The following FER variants were observed in gnomAD, a reference collection of about 807,000 sequenced individuals.
FER encodes the protein tyrosine-protein kinase Fer.
FER carries 63 observed loss-of-function variants against 111.0 expected under a neutral mutation model. The ratio of observed to expected loss-of-function variants is 0.57; its 90% confidence interval spans 0.46 to 0.70. The LOEUF is 0.70. Among genes scored for constraint, FER ranks in the 30% least tolerant of loss-of-function variants. FER has a pLI of 0.00. For missense variants in FER, 914 were observed against 954.0 expected, an observed-to-expected ratio of 0.96 and a Z score of 0.55; for synonymous variants, 327 against 313.9, an observed-to-expected ratio of 1.04 and a Z score of -0.44.
At chr5:109,132,825 A>C (rs950148609) in intron 17 of FER, among the ~76,000 whole-genome samples, 1 of 152,174 alleles carries the variant, frequency 6.6e-6, no homozygotes, top group Non-Finnish European at 1.5e-5. Context: ...GCCCAAACCA[A>C]CTGATGGGAA....
intron 9 of FER, among the ~76,000 whole-genome samples, chr5:108,891,819 C>G (rs562370843): frequency 3.3e-4 from 50 of 152,196 alleles, no homozygotes; most frequent in Middle Eastern, 3.4e-3. Flanking sequence ...TCCCCCTTCC[C>G]CCACGCAACA....
At chr5:109,042,178 G>T (rs923789564) in intron 14 of FER, among the ~76,000 whole-genome samples, 3 of 152,122 alleles carry the variant, frequency 2.0e-5, no homozygotes, top group Admixed American at 6.6e-5. Flanking sequence ...GATTAACCGA[G>T]GACCAGGGTC....
At chr5:108,809,548 C>T (rs553500690) in intron 3 of FER, among the ~76,000 whole-genome samples, 2 of 152,110 alleles carry the variant, frequency 1.3e-5, no homozygotes, top group Admixed American at 6.6e-5. Context: ...CATGCTTTTC[C>T]ATACTTTGAA....
At chr5:108,820,830 A>G (rs149308179) in intron 3 of FER, among the ~76,000 whole-genome samples, 21 of 152,368 alleles carry the variant, frequency 1.4e-4, no homozygotes, top group Middle Eastern at 3.4e-3. Flanking sequence ...AATACTTGAA[A>G]TAACAGAGTC....
intron 16 of FER, among the ~76,000 whole-genome samples, chr5:109,066,651 T>G (rs1187814577): frequency 6.6e-6 from 1 of 152,214 alleles, no homozygotes; most frequent in Admixed American, 6.5e-5. Context: ...ATCCTGTATT[T>G]AAGTGACTGA....
At chr5:109,142,603 G>A (rs1047742074) in intron 17 of FER, among the ~76,000 whole-genome samples, 3 of 152,172 alleles carry the variant, frequency 2.0e-5, no homozygotes, top group East Asian at 1.9e-4. Flanking sequence ...TAGGTACCAC[G>A]GATCCAAAGT....
At position 109,186,182 on chromosome 5, in the gene FER, T is replaced by C. The variant is rs192590388; in HGVS notation, c.2204-18T>C. 2.5e-3 allele frequency: 3,971 copies of C among 1,614,044 alleles called. 11 individuals are homozygous for C. The highest frequency in any genetic ancestry group is 3.0e-3 in the Non-Finnish European group (3,592 of 1,179,916). ...TCTACTGTGCCTCATGTGGTTATGG[T>C]TGTTGTTCCTCTTCCAGGGAGATAC... On this transcript the variant is annotated intron_variant, in intron 18 of 19. Coordinates refer to ENST00000281092, the MANE Select transcript of FER (RefSeq NM_005246.4).
rs576056908 is a variant in FER, at chr5:109,168,983, C to G, written c.2049-11764C>G. 2.4e-4 allele frequency among the ~76,000 whole-genome samples: 37 copies of G among 152,242 alleles called. No homozygotes were observed. The South Asian group carries it at 3.1e-3, about 13-fold the overall frequency. On this transcript the variant is annotated intron_variant, in intron 17 of 19. Coordinates refer to ENST00000281092, the MANE Select transcript of FER (RefSeq NM_005246.4). ...TCAGACACTTTTATGTAACTGTGGTCTGCAAGTTAGTAAAAGCAAATTTCA... is the reference window on the plus strand; with the variant it reads ...TCAGACACTTTTATGTAACTGTGGTGTGCAAGTTAGTAAAAGCAAATTTCA...
chr5:109,002,009 G>A (rs1308816409), intron 13 of FER, among the ~76,000 whole-genome samples: 2 of 151,992 alleles, frequency 1.3e-5, no homozygotes, highest in East Asian at 1.9e-4. Flanking sequence ...CATGCTCATG[G>A]GTAGGAAGAA....
At chr5:108,933,172 C>A (rs531444367) in intron 10 of FER, among the ~76,000 whole-genome samples, 12 of 152,092 alleles carry the variant, frequency 7.9e-5, no homozygotes, top group Admixed American at 1.3e-4. Context: ...TTTGCCCATG[C>A]CTATGTCCTG....
intron 9 of FER, chr5:108,894,588 A>G: frequency 2.5e-6 from 1 of 398,642 alleles, no homozygotes; most frequent in South Asian, 2.3e-5. Context: ...TTCCACGACC[A>G]CATGCTTGCC....
chr5:108,967,626 G>T (rs1304852386), intron 13 of FER, among the ~76,000 whole-genome samples: 1 of 151,954 alleles, frequency 6.6e-6, no homozygotes. Context: ...TGGGTGTGGT[G>T]GTGGGCACCT....
chr5:109,068,879 T>C (rs1441985434), intron 16 of FER, among the ~76,000 whole-genome samples: 1 of 152,228 alleles, frequency 6.6e-6, no homozygotes, highest in Non-Finnish European at 1.5e-5. Flanking sequence ...TTCAATGAGC[T>C]ATCATATTCT....
chr5:109,112,466 G>A (rs1334011005), intron 17 of FER, among the ~76,000 whole-genome samples: 1 of 152,090 alleles, frequency 6.6e-6, no homozygotes, highest in African/African-American at 2.4e-5. Flanking sequence ...CTTACTATTG[G>A]CATCCAGTGC....
chr5:108,780,777 C>CT (rs1339128833), intron 2 of FER, among the ~76,000 whole-genome samples: 1 of 151,436 alleles, frequency 6.6e-6, no homozygotes, highest in Admixed American at 6.6e-5. Flanking sequence ...TATGTTACAC[C>CT]TTTTTTAGTT....
chr5:109,051,374 G>A lies in FER; in HGVS notation c.1924+4176G>A, dbSNP rs1772783242. 5 of 1,611,824 alleles carry A rather than the reference G, an allele frequency of 3.1e-6. No homozygotes were observed. In the East Asian group the frequency reaches 6.7e-5, roughly 22 times the overall value. ...GCACGACTGCTGGCTCTGCTTGAAGGTTGCTGGTCCACAATGGCTAGTGGC... is the reference window on the plus strand; with the variant it reads ...GCACGACTGCTGGCTCTGCTTGAAGATTGCTGGTCCACAATGGCTAGTGGC... On this transcript the variant is annotated intron_variant, in intron 16 of 19. Coordinates refer to ENST00000281092, the MANE Select transcript of FER (RefSeq NM_005246.4).
chr5:108,872,280 T>A, intron 8 of FER, 68 bp downstream of exon 8: 1 of 1,389,352 alleles, frequency 7.2e-7, no homozygotes, highest in Non-Finnish European at 9.7e-7. Flanking sequence ...TGTACTCAGA[T>A]TTAAAATATC....
At chr5:108,921,985 T>C (rs1753081846) in intron 10 of FER, among the ~76,000 whole-genome samples, 1 of 152,186 alleles carries the variant, frequency 6.6e-6, no homozygotes, top group South Asian at 2.1e-4. Flanking sequence ...ATGAAGTTGT[T>C]AGGGTGAGCT....
intron 2 of FER, chr5:108,785,318 C>T: frequency 1.8e-6 from 1 of 559,010 alleles, no homozygotes; most frequent in South Asian, 1.6e-5. Context: ...TATCAACACC[C>T]TGTGCTTCAG....
Sources: gnomAD v4.1 joint callset for allele counts (sites outside exome capture counted in the v4.1 genomes callset) on GRCh38, gnomAD v4.1.1 for gene constraint, MANE v1.5 for transcripts, NCBI Gene and HGNC (gene_info 2026-07-23, HGNC 2026-07-21) for gene names.